AGBL1: variants seen among roughly 807,000 people sequenced by gnomAD.
The protein encoded by AGBL1 is cytosolic carboxypeptidase 4.
Under a neutral mutation model 118.9 loss-of-function variants are expected in AGBL1, and 130 were observed. The observed-to-expected ratio is 1.09, with a 90% CI of 0.95 to 1.26. The LOEUF is 1.26. Ranked by LOEUF, AGBL1 falls within the 50% of genes most tolerant of loss-of-function variation. The pLI, the probability that AGBL1 is intolerant of heterozygous loss-of-function variation, is 0.00. For missense variants in AGBL1, 1,584 were observed against 1,298.1 expected (o/e 1.22, Z -3.38); for synonymous variants, 555 against 478.9 (o/e 1.16, Z -2.08).
At chr15:86,640,894 A>C (rs1295953554) in intron 21 of AGBL1, among the ~76,000 whole-genome samples, 1 of 152,096 alleles carries the variant, frequency 6.6e-6, no homozygotes, top group Non-Finnish European at 1.5e-5. Flanking sequence ...AATAATATTA[A>C]TTTAAAATTT....
chr15:86,378,380 T>C (rs1332983967), intron 17 of AGBL1, among the ~76,000 whole-genome samples: 1 of 152,196 alleles, frequency 6.6e-6, no homozygotes, highest in Non-Finnish European at 1.5e-5. Flanking sequence ...ATTTTTTCCC[T>C]TCCCATCGGC....
At chr15:86,720,140 C>A (rs996761008) in intron 22 of AGBL1, among the ~76,000 whole-genome samples, 2 of 152,194 alleles carry the variant, frequency 1.3e-5, no homozygotes, top group Non-Finnish European at 2.9e-5. Flanking sequence ...TCCACAGAGC[C>A]CCATACTTAC....
At chr15:86,522,779 G>A (rs1353609516) in intron 18 of AGBL1, 31 bp from the exon 19 acceptor site, 3 of 1,609,804 alleles carry the variant, frequency 1.9e-6, no homozygotes, top group Admixed American at 1.7e-5. Flanking sequence ...TTCTGAATGT[G>A]TATTTATTTG....
At chr15:86,677,264 G>A (rs542704899) in intron 22 of AGBL1, among the ~76,000 whole-genome samples, 1 of 152,190 alleles carries the variant, frequency 6.6e-6, no homozygotes, top group Non-Finnish European at 1.5e-5. Context: ...GCGGATGTTT[G>A]CCTGGTGGCT....
chr15:86,663,443 A>T (rs1327923858), intron 21 of AGBL1, among the ~76,000 whole-genome samples: 1 of 152,108 alleles, frequency 6.6e-6, no homozygotes, highest in Non-Finnish European at 1.5e-5. Context: ...GTCTAAAGAG[A>T]TTACTCCTGC....
At chr15:86,870,848 A>G (rs2079717736) in intron 22 of AGBL1, among the ~76,000 whole-genome samples, 1 of 152,218 alleles carries the variant, frequency 6.6e-6, no homozygotes. Flanking sequence ...ATTGGATCTG[A>G]TCTTTCAGTT....
intron 18 of AGBL1, among the ~76,000 whole-genome samples, chr15:86,435,987 A>G (rs534515494): frequency 1.6e-4 from 24 of 152,178 alleles, no homozygotes; most frequent in Non-Finnish European, 2.2e-4. Context: ...ACAGTGGTTC[A>G]TTAGTCCAAG....
Position 86,735,067 on chromosome 15 carries a change from T to TAATAATA in AGBL1, c.3158+60632_3158+60633insATAATAA, listed in dbSNP as rs1171746031. ...GAAATAAAGATGTTGTTTCTTGGCA[T>TAATAATA]ATAGTTATAATAATAATTATTATTA... is the stretch of plus-strand genomic sequence containing the variant. On this transcript the variant is annotated intron_variant, in intron 22 of 22. Transcript: ENST00000614907. 7.5e-3 allele frequency among the ~76,000 whole-genome samples: 1,095 copies of TAATAATA among 146,510 alleles called. 4 individuals carry two copies. The highest frequency in any genetic ancestry group is 0.023 in the African/African-American group (931 of 40,684).
Position 86,606,680 on chromosome 15 carries a change from G to C in AGBL1, c.2994+52143G>C, listed in dbSNP as rs573312133. ...AATTAACAGGCTTTTTTGGGAGCAG[G>C]TTTAGATTTATAGAAAAATTGAACA... On this transcript the variant is annotated intron_variant, in intron 21 of 22. Transcript: ENST00000614907. Among the ~76,000 whole-genome samples, 3 of 152,226 alleles carry C rather than the reference G, an allele frequency of 2.0e-5. No homozygotes were observed. The East Asian group carries it at 5.8e-4, about 29-fold the overall frequency.
intron 24 of AGBL1, among the ~76,000 whole-genome samples, chr15:87,016,434 G>A (rs1360951057): frequency 6.6e-6 from 1 of 152,156 alleles, no homozygotes; most frequent in East Asian, 1.9e-4. Flanking sequence ...AGGCTGAGAA[G>A]AGGTGCAAAG....
At chr15:86,099,088 G>A (rs1371580666) in intron 1 of AGBL1, among the ~76,000 whole-genome samples, 11 of 151,974 alleles carry the variant, frequency 7.2e-5, no homozygotes, top group Admixed American at 5.9e-4. Context: ...AGTTGTGCTA[G>A]GAGAAAAGTT....
chr15:86,549,300 C>G (rs1317753153), intron 20 of AGBL1, among the ~76,000 whole-genome samples: 1 of 152,044 alleles, frequency 6.6e-6, no homozygotes, highest in Admixed American at 6.6e-5. Context: ...AAATCACATA[C>G]AAATCAATCA....
chr15:86,993,313 A>T (rs2081350668), intron 24 of AGBL1, among the ~76,000 whole-genome samples: 1 of 152,162 alleles, frequency 6.6e-6, no homozygotes, highest in African/African-American at 2.4e-5. Context: ...TTTGCCCTTT[A>T]TTCAAAACTT....
intron 22 of AGBL1, among the ~76,000 whole-genome samples, chr15:86,870,680 G>A (rs951623096): frequency 6.6e-6 from 1 of 151,952 alleles, no homozygotes; most frequent in Non-Finnish European, 1.5e-5. Context: ...AGAAAAAAAA[G>A]GCATCTGATG....
chr15:86,277,147 A>T (rs1265392501), intron 15 of AGBL1, among the ~76,000 whole-genome samples: 1 of 143,332 alleles, frequency 7.0e-6, no homozygotes, highest in Admixed American at 7.0e-5. Flanking sequence ...TTATAATAAG[A>T]TTTTTTTTTT....
At chr15:86,619,612 G>A (rs77593061) in intron 21 of AGBL1, among the ~76,000 whole-genome samples, 1,946 of 152,220 alleles carry the variant, frequency 0.013, 29 homozygotes, top group East Asian at 0.087. Flanking sequence ...TGGGCTGTGC[G>A]GTGGGGGTGA....
chr15:86,578,811 G>T (rs761434551), intron 21 of AGBL1, among the ~76,000 whole-genome samples: 1 of 152,160 alleles, frequency 6.6e-6, no homozygotes. Context: ...CACCATGACT[G>T]TGAAGCCTCC....
intron 23 of AGBL1, among the ~76,000 whole-genome samples, chr15:86,970,980 A>C (rs964077359): frequency 6.6e-6 from 1 of 152,082 alleles, no homozygotes; most frequent in African/African-American, 2.4e-5. Flanking sequence ...GAGATAATTT[A>C]AAGTATACAG....
chr15:86,544,101 T>G (rs2083543864), intron 19 of AGBL1, among the ~76,000 whole-genome samples: 1 of 152,332 alleles, frequency 6.6e-6, no homozygotes, highest in African/African-American at 2.4e-5. Context: ...ATTCTAACAC[T>G]TAGCTTTTGT....
Sources: allele counts gnomAD v4.1 joint callset (sites outside exome capture counted in the v4.1 genomes callset), GRCh38; gene constraint gnomAD v4.1.1; transcripts MANE v1.5; gene names NCBI Gene and HGNC (gene_info 2026-07-23, HGNC 2026-07-21).